NCK2: variants seen among roughly 807,000 people sequenced by gnomAD.
NCK2 encodes the protein NCK adaptor protein 2.
In NCK2, 16 loss-of-function variants were observed where a neutral mutation model predicts 33.9. That is an observed-to-expected ratio of 0.47 (90% CI 0.32 to 0.72). The LOEUF (loss-of-function observed/expected upper bound fraction) is 0.72. Among genes scored for constraint, NCK2 ranks in the 30% least tolerant of loss-of-function variants. NCK2 has a pLI of 0.03. For synonymous variants in NCK2, 273 were observed against 239.9 expected (o/e 1.14, Z -1.27); for missense variants, 418 against 537.3 (o/e 0.78, Z 2.19).
intron 1 of NCK2, among the ~76,000 whole-genome samples, chr2:105,812,433 T>C (rs954862499): frequency 6.6e-6 from 1 of 152,216 alleles, no homozygotes. Context: ...CTCTTCCAAG[T>C]GGTTCACTAG....
At chr2:105,881,025 A>G (rs1043229414) in intron 3 of NCK2, among the ~76,000 whole-genome samples, 5 of 148,536 alleles carry the variant, frequency 3.4e-5, no homozygotes, top group Admixed American at 6.9e-5. Context: ...GCCTCAAGCA[A>G]TCTTCCCGCC....
At chr2:105,799,456 G>C (rs542769919) in intron 1 of NCK2, among the ~76,000 whole-genome samples, 5 of 152,110 alleles carry the variant, frequency 3.3e-5, no homozygotes, top group Non-Finnish European at 7.4e-5. Context: ...TGAGAAGGCT[G>C]TCTCTTCCCT....
At chr2:105,848,698 A>G (rs1322031128) in intron 2 of NCK2, 2 of 152,032 alleles carry the variant, frequency 1.3e-5, no homozygotes, top group Non-Finnish European at 2.9e-5. Flanking sequence ...GCCTTCCTCT[A>G]CCCCTCCCCA....
chr2:105,792,603 GT>G lies in NCK2; in HGVS notation c.-200-23816del, dbSNP rs796296703. Among the ~76,000 whole-genome samples the G allele has an allele frequency of 8.0e-4, 117 of 146,828 alleles. 1 individual carries two copies. The highest frequency in any genetic ancestry group is 2.7e-3 in the African/African-American group (108 of 40,258). On this transcript the variant is annotated intron_variant, in intron 1 of 4. Transcript: ENST00000233154. ...TCTATTGATTTGTCCAAACTCGTTTGTTTTTTTTTTTCCACCTTCCCCATGC... is the reference window on the plus strand; with the variant it reads ...TCTATTGATTTGTCCAAACTCGTTTGTTTTTTTTTTCCACCTTCCCCATGC...
chr2:105,887,115 C>A (rs1233856374), intron 4 of NCK2, among the ~76,000 whole-genome samples: 1 of 152,120 alleles, frequency 6.6e-6, no homozygotes, highest in Non-Finnish European at 1.5e-5. Context: ...TAAGTATAGG[C>A]AGGAGTAATT....
chr2:105,871,319 C>T (rs886691066), intron 3 of NCK2, among the ~76,000 whole-genome samples: 5 of 151,690 alleles, frequency 3.3e-5, no homozygotes, highest in South Asian at 2.1e-4. Context: ...TGCTGTCAGG[C>T]GCTGCGCCAC....
chr2:105,865,041 C>G (rs1677693203), intron 3 of NCK2, among the ~76,000 whole-genome samples: 1 of 152,146 alleles, frequency 6.6e-6, no homozygotes, highest in South Asian at 2.1e-4. Flanking sequence ...GTGTCAGGGC[C>G]GCAGGCTCCC....
chr2:105,849,091 T>C (rs975508942), intron 2 of NCK2, among the ~76,000 whole-genome samples: 15 of 152,326 alleles, frequency 9.8e-5, no homozygotes, highest in African/African-American at 3.1e-4. Context: ...GAATTAAGTT[T>C]AAGAAATCAA....
intron 3 of NCK2, among the ~76,000 whole-genome samples, chr2:105,880,226 C>A (rs997125161): frequency 3.3e-5 from 5 of 152,176 alleles, no homozygotes; most frequent in African/African-American, 1.2e-4. Context: ...CTGAAATTTT[C>A]TACTTTATTC....
At chr2:105,779,027 C>T (rs929945876) in intron 1 of NCK2, among the ~76,000 whole-genome samples, 1 of 152,022 alleles carries the variant, frequency 6.6e-6, no homozygotes, top group African/African-American at 2.4e-5. Context: ...CATCATAAGG[C>T]TGGGCACAGT....
chr2:105,828,286 T>C (rs1676029209), intron 2 of NCK2, among the ~76,000 whole-genome samples: 1 of 152,164 alleles, frequency 6.6e-6, no homozygotes, highest in Non-Finnish European at 1.5e-5. Flanking sequence ...AAAATGTTTT[T>C]GCTATCAACG....
intron 2 of NCK2, among the ~76,000 whole-genome samples, chr2:105,837,839 T>G (rs915658339): frequency 6.6e-6 from 1 of 152,232 alleles, no homozygotes; most frequent in Non-Finnish European, 1.5e-5. Flanking sequence ...GAACTTGAGT[T>G]ATTTTTATGT....
chr2:105,744,495 G>A (rs1420934093), upstream of NCK2, among the ~76,000 whole-genome samples: 2 of 152,148 alleles, frequency 1.3e-5, no homozygotes, highest in African/African-American at 4.8e-5. Context: ...AGGACGCAAA[G>A]CCCACCCGGC....
chr2:105,847,110 A>G (rs1178040513), intron 2 of NCK2: 1 of 152,240 alleles, frequency 6.6e-6, no homozygotes, highest in African/African-American at 2.4e-5. Context: ...GGAGTTGTCA[A>G]ATTCGCAGGG....
chr2:105,801,355 T>G (rs974629425), intron 1 of NCK2, among the ~76,000 whole-genome samples: 1 of 152,040 alleles, frequency 6.6e-6, no homozygotes, highest in African/African-American at 2.4e-5. Context: ...CTCACTCGGC[T>G]TGCCTCCCCC....
At chr2:105,744,762 G>A (rs1373922153), upstream of NCK2, 4 of 150,076 alleles carry the variant, frequency 2.7e-5, no homozygotes, top group Non-Finnish European at 4.5e-5. Context: ...CCGCGCGCCC[G>A]GGCCTGGGCC....
chr2:105,885,931 T>C (rs1434781699), intron 4 of NCK2, among the ~76,000 whole-genome samples: 2 of 152,194 alleles, frequency 1.3e-5, no homozygotes, highest in Non-Finnish European at 2.9e-5. Context: ...TTTTTTACTG[T>C]TTAGAGTTTG....
chr2:105,809,877 G>A (rs1039280685), intron 1 of NCK2, among the ~76,000 whole-genome samples: 1 of 152,162 alleles, frequency 6.6e-6, no homozygotes, highest in African/African-American at 2.4e-5. Flanking sequence ...ACTGAGCACT[G>A]CTAGAAGAAG....
rs992044685 is a variant in NCK2 at position 105,894,193 on chromosome 2, T to C, written c.*1017T>C. On this transcript the variant is annotated 3_prime_UTR_variant, in exon 5 of 5. Transcript: ENST00000233154. ...GTCTTGAGATGGCACATTCCTACGA[T>C]TGAAGAAGGGGTCTTGAGATCCCCT... The C allele has an allele frequency of 6.6e-6, 1 of 152,628 alleles. No homozygotes were observed. Among genetic ancestry groups the C allele is most frequent in the Non-Finnish European group, 1.5e-5 (1 of 68,036 alleles). 9.5% of individuals were successfully genotyped at this position (152,628 alleles called of 1,614,324 possible).
Sources: gnomAD v4.1 joint callset for allele counts (sites outside exome capture counted in the v4.1 genomes callset) on GRCh38, gnomAD v4.1.1 for gene constraint, MANE v1.5 for transcripts, NCBI Gene and HGNC (gene_info 2026-07-23, HGNC 2026-07-21) for gene names.